Variants in TRIM2 observed in about 807,000 individuals in gnomAD.
TRIM2 encodes the protein tripartite motif-containing protein 2.
Under a neutral mutation model 75.2 loss-of-function variants are expected in TRIM2, and 20 were observed. That is an observed-to-expected ratio of 0.27 (90% CI 0.19 to 0.39). The LOEUF (loss-of-function observed/expected upper bound fraction) is 0.39, where lower values mean the gene tolerates loss of function less well. Ranked by LOEUF, TRIM2 falls within the 10% of genes least tolerant of loss-of-function variation. The probability of loss-of-function intolerance (pLI) is 1.00; values close to 1 mark genes in which losing one functional copy is unlikely to be tolerated. For synonymous variants in TRIM2, 373 were observed against 388.3 expected (o/e 0.96, Z 0.46); for missense variants, 660 against 990.8 (o/e 0.67, Z 4.48).
intron 1 of TRIM2, among the ~76,000 whole-genome samples, chr4:153,227,099 T>C (rs1384604488): frequency 6.6e-6 from 1 of 152,236 alleles, no homozygotes; most frequent in African/African-American, 2.4e-5. Flanking sequence ...AAATCAGCTC[T>C]GGCTGTGGTA....
chr4:153,316,008 A>G lies in TRIM2; in HGVS notation c.1782+9A>G. 1 of 1,557,438 alleles carries G rather than the reference A, an allele frequency of 6.4e-7. No individual in the cohort carries two copies. The highest frequency in any genetic ancestry group is 8.7e-7 in the Non-Finnish European group (1 of 1,154,868). On this transcript the variant is annotated intron_variant, in intron 8 of 11. Coordinates refer to ENST00000338700, the MANE Select transcript of TRIM2 (RefSeq NM_015271.5). ...CCGATGGGAAATTTAAGGTAAGATT[A>G]ACTACTAATTGTTCACTAAACAATG...
At chr4:153,226,443 A>T (rs1466012459) in intron 1 of TRIM2, among the ~76,000 whole-genome samples, 1 of 152,216 alleles carries the variant, frequency 6.6e-6, no homozygotes, top group Non-Finnish European at 1.5e-5. Flanking sequence ...AAACGAACTA[A>T]CCTAAGACAT....
intron 1 of TRIM2, chr4:153,257,287 C>A: frequency 2.3e-6 from 1 of 438,238 alleles, no homozygotes; most frequent in Non-Finnish European, 3.3e-6. Flanking sequence ...CAGCTGACTG[C>A]TGACTCAGAG....
intron 1 of TRIM2, among the ~76,000 whole-genome samples, chr4:153,245,980 C>T (rs1011396864): frequency 6.6e-6 from 1 of 152,158 alleles, no homozygotes; most frequent in Non-Finnish European, 1.5e-5. Context: ...CACCCAGCCC[C>T]TTTACCTACT....
At chr4:153,177,931 A>T (rs1731640203) in intron 1 of TRIM2, among the ~76,000 whole-genome samples, 1 of 152,060 alleles carries the variant, frequency 6.6e-6, no homozygotes, top group Non-Finnish European at 1.5e-5. Context: ...CCTAACGAGT[A>T]GGTGGGACTA....
chr4:153,215,537 T>A (rs1429682880), intron 1 of TRIM2, among the ~76,000 whole-genome samples: 2 of 152,070 alleles, frequency 1.3e-5, no homozygotes, highest in African/African-American at 4.8e-5. Flanking sequence ...GAGGGGTGCA[T>A]CTGGAGTGTT....
chr4:153,255,426 G>C (rs912267147), intron 1 of TRIM2, among the ~76,000 whole-genome samples: 1 of 152,148 alleles, frequency 6.6e-6, no homozygotes, highest in Non-Finnish European at 1.5e-5. Flanking sequence ...AGAATGTGCT[G>C]GGGGGCGGGG....
chr4:153,163,746 C>A (rs963450305), intron 1 of TRIM2, among the ~76,000 whole-genome samples: 1 of 151,746 alleles, frequency 6.6e-6, no homozygotes, highest in Non-Finnish European at 1.5e-5. Context: ...AGGTGATCTG[C>A]CCGCCTCGGC....
intron 3 of TRIM2, among the ~76,000 whole-genome samples, chr4:153,284,772 C>T (rs1245861673): frequency 6.6e-6 from 1 of 152,014 alleles, no homozygotes; most frequent in Admixed American, 6.6e-5. Context: ...GTTCTTTGCC[C>T]GTTTTTGAAT....
At chr4:153,200,184 G>T (rs769402763), upstream of TRIM2, among the ~76,000 whole-genome samples, 2 of 152,042 alleles carry the variant, frequency 1.3e-5, no homozygotes, top group East Asian at 3.9e-4. Flanking sequence ...CAAGTGATCG[G>T]CCTCCCAAAG....
chr4:153,171,153 G>A (rs1013439639), intron 1 of TRIM2, among the ~76,000 whole-genome samples: 4 of 152,192 alleles, frequency 2.6e-5, no homozygotes, highest in Non-Finnish European at 5.9e-5. Context: ...AAGGGTCAGC[G>A]TTTTCCATGC....
chr4:153,280,850 A>G (rs1294828234), intron 3 of TRIM2, among the ~76,000 whole-genome samples: 2 of 151,964 alleles, frequency 1.3e-5, no homozygotes, highest in Non-Finnish European at 2.9e-5. Flanking sequence ...AAACTTGGCT[A>G]ATTTTTTGTG....
upstream of TRIM2, among the ~76,000 whole-genome samples, chr4:153,203,531 T>C (rs986404528): frequency 6.7e-6 from 1 of 149,770 alleles, no homozygotes; most frequent in African/African-American, 2.5e-5. Flanking sequence ...AATCTTGCAG[T>C]GAGCTGAGAT....
At chr4:153,273,271 T>C (rs866922657) in intron 2 of TRIM2, among the ~76,000 whole-genome samples, 7 of 26,134 alleles carry the variant, frequency 2.7e-4, no homozygotes, top group Admixed American at 9.7e-4. Flanking sequence ...ACAGTCACTC[T>C]TTTTTTTTTT....
chr4:153,295,951 G>A lies in TRIM2; in HGVS notation c.1425G>A (p.Gln475=), dbSNP rs766435042. 6.3e-7 allele frequency: 1 copy of A among 1,578,580 alleles called. No homozygotes were observed. The change falls in exon 6 of 12, where the codon CAG becomes CAA. Residue 475 remains glutamine (Q), a synonymous_variant. Coordinates refer to ENST00000338700, the MANE Select transcript of TRIM2 (RefSeq NM_015271.5). The surrounding 1 kb of genome is among the most constrained non-coding windows in gnomAD (Gnocchi z 7.2). ...VKSPGSGHVK[Q]KAVKRPASMY... is the part of the protein sequence containing the mutation. ...CCCCGGGGAGCGGCCACGTCAAGCA[G>A]AAAGCTGTGAAAAGACCCGCAAGCA...
At chr4:153,259,548 T>A (rs1412351765) in intron 1 of TRIM2, among the ~76,000 whole-genome samples, 1 of 152,242 alleles carries the variant, frequency 6.6e-6, no homozygotes, top group East Asian at 1.9e-4. Context: ...TTTTAAAAAA[T>A]GTGCTGCCAA....
chr4:153,280,892 GC>G (rs1168915153), intron 3 of TRIM2, among the ~76,000 whole-genome samples: 2 of 152,076 alleles, frequency 1.3e-5, no homozygotes, highest in Non-Finnish European at 2.9e-5. Flanking sequence ...CACCATGTTA[GC>G]CAGGATGGTC....
At chr4:153,285,524 G>T (rs550522911) in intron 3 of TRIM2, among the ~76,000 whole-genome samples, 2 of 152,088 alleles carry the variant, frequency 1.3e-5, no homozygotes, top group East Asian at 1.9e-4. Context: ...ATAGAGATAG[G>T]TCTCACTATT....
At chr4:153,198,678 A>G (rs2149674262) in intron 1 of TRIM2, among the ~76,000 whole-genome samples, 1 of 152,236 alleles carries the variant, frequency 6.6e-6, no homozygotes, top group East Asian at 1.9e-4. Flanking sequence ...TTTTATGTGT[A>G]TATCATTTTT....
Sources: gnomAD v4.1 joint callset for allele counts (sites outside exome capture counted in the v4.1 genomes callset) on GRCh38, gnomAD v4.1.1 for gene constraint, Gnocchi (gnomAD v3.1) non-coding constraint, MANE v1.5 for transcripts, NCBI Gene and HGNC (gene_info 2026-07-23, HGNC 2026-07-21) for gene names.